The following PDGFD variants were observed in gnomAD, a reference collection of about 807,000 sequenced individuals.
PDGFD encodes the protein platelet derived growth factor D, also known as platelet-derived growth factor D.
A neutral mutation model predicts 44.7 loss-of-function variants in PDGFD; 30 were observed. The observed-to-expected ratio is 0.67, with a 90% CI of 0.50 to 0.91. The LOEUF is 0.91. PDGFD is among the 40% of genes least tolerant of loss of function. PDGFD has a pLI of 0.00. For missense variants in PDGFD, 445 were observed against 457.8 expected, an observed-to-expected ratio of 0.97 and a Z score of 0.25; for synonymous variants, 173 against 168.4, an observed-to-expected ratio of 1.03 and a Z score of -0.21.
intron 1 of PDGFD, among the ~76,000 whole-genome samples, chr11:104,072,638 A>G (rs1428164605): frequency 6.6e-6 from 1 of 151,954 alleles, no homozygotes; most frequent in Non-Finnish European, 1.5e-5. Flanking sequence ...GGCAGTCTTG[A>G]CTTGTTTCTG....
At chr11:104,131,705 T>C (rs1037177395) in intron 1 of PDGFD, among the ~76,000 whole-genome samples, 1 of 151,594 alleles carries the variant, frequency 6.6e-6, no homozygotes, top group Admixed American at 6.6e-5. Flanking sequence ...CCTTGAAGAT[T>C]TGCTGCCACC....
intron 1 of PDGFD, among the ~76,000 whole-genome samples, chr11:104,155,927 C>T (rs115761132): frequency 0.023 from 3,489 of 152,290 alleles, 64 homozygotes; most frequent in African/African-American, 0.05. Context: ...CTGAGCTCTT[C>T]AGTCCAAAGA....
At chr11:104,112,746 T>A (rs376263947) in intron 1 of PDGFD, among the ~76,000 whole-genome samples, 66 of 152,074 alleles carry the variant, frequency 4.3e-4, no homozygotes, top group African/African-American at 1.5e-3. Flanking sequence ...CTGGAGACCA[T>A]TATCCTTAGC....
intron 1 of PDGFD, among the ~76,000 whole-genome samples, chr11:104,090,077 G>C (rs1479094413): frequency 2.6e-5 from 4 of 152,144 alleles, no homozygotes; most frequent in Admixed American, 2.6e-4. Context: ...AGTGATTACA[G>C]TGACCTCTCT....
At position 103,955,020 on chromosome 11, in the gene PDGFD, C is replaced by T. The variant is rs374972936; in HGVS notation, c.511-7296G>A. ...TCTACTAAAAATACAAAAAATTAGC[C>T]GGGCGTAGTGGCGGGCGCCTGTAGT... On this transcript the variant is annotated intron_variant, in intron 3 of 6. Transcript: ENST00000393158. Among the ~76,000 whole-genome samples the T allele has an allele frequency of 6.3e-4, 94 of 150,234 alleles. 1 individual carries two copies. The highest frequency in any genetic ancestry group is 2.2e-3 in the African/African-American group (89 of 41,026).
intron 1 of PDGFD, among the ~76,000 whole-genome samples, chr11:104,006,962 G>A (rs988133479): frequency 5.3e-5 from 8 of 152,186 alleles, no homozygotes; most frequent in Non-Finnish European, 1.2e-4. Flanking sequence ...TAAGCTGTCT[G>A]TGGACAGCAA....
rs144354134 is a variant in PDGFD, at chr11:104,072,599, T to C, written c.125-72344A>G. Among the ~76,000 whole-genome samples the C allele has an allele frequency of 7.9e-3, 1,207 of 152,058 alleles. 23 individuals carry two copies. Among genetic ancestry groups the C allele is most frequent in the Middle Eastern group, 0.01 (3 of 294 alleles). On this transcript the variant is annotated intron_variant, in intron 1 of 6. Coordinates refer to ENST00000393158, the MANE Select transcript of PDGFD (RefSeq NM_025208.5). The stretch of plus-strand genomic sequence containing the variant: ...AAATTACATTAAAGGAAACCTCTAG[T>C]ACAATGTTGAAAGTTAACAGATATA...
chr11:103,945,351 G>A (rs1385486270), intron 4 of PDGFD, among the ~76,000 whole-genome samples: 4 of 152,068 alleles, frequency 2.6e-5, no homozygotes, highest in Non-Finnish European at 1.5e-5. Flanking sequence ...CATCATTTCT[G>A]TCTTTCACAT....
At chr11:103,928,556 C>G (rs552699208) in intron 5 of PDGFD, among the ~76,000 whole-genome samples, 1 of 152,128 alleles carries the variant, frequency 6.6e-6, no homozygotes, top group East Asian at 1.9e-4. Context: ...GTCCACTAAC[C>G]GCATCCCTGT....
chr11:104,154,440 C>T (rs1862280630), intron 1 of PDGFD, among the ~76,000 whole-genome samples: 1 of 152,262 alleles, frequency 6.6e-6, no homozygotes, highest in East Asian at 1.9e-4. Flanking sequence ...AAGAGAAGGG[C>T]TAATCCCTGA....
chr11:104,161,278 T>A (rs1278247300), intron 1 of PDGFD, among the ~76,000 whole-genome samples: 2 of 152,348 alleles, frequency 1.3e-5, no homozygotes, highest in South Asian at 4.1e-4. Context: ...ATATTCCATG[T>A]TCATGTCCTC....
intron 1 of PDGFD, among the ~76,000 whole-genome samples, chr11:104,075,821 C>T (rs545241564): frequency 6.6e-5 from 10 of 152,238 alleles, no homozygotes; most frequent in African/African-American, 2.4e-4. Flanking sequence ...ATGATTTCCC[C>T]AGGCCTTATC....
chr11:104,043,630 A>T (rs1479236627), intron 1 of PDGFD, among the ~76,000 whole-genome samples: 3 of 152,166 alleles, frequency 2.0e-5, no homozygotes, highest in African/African-American at 4.8e-5. Context: ...TATTTGGCTC[A>T]TGGTTCTGCT....
chr11:104,039,983 C>T (rs1860322163), intron 1 of PDGFD, among the ~76,000 whole-genome samples: 1 of 152,090 alleles, frequency 6.6e-6, no homozygotes. Context: ...AGGAACACCC[C>T]TTCTGAGGTA....
intron 1 of PDGFD, among the ~76,000 whole-genome samples, chr11:104,143,311 C>T (rs80201675): frequency 1.2e-4 from 19 of 152,252 alleles, no homozygotes; most frequent in African/African-American, 4.6e-4. Context: ...AATAAAACTG[C>T]TGTCTAATAT....
intron 3 of PDGFD, among the ~76,000 whole-genome samples, chr11:103,971,846 A>G (rs1364023012): frequency 2.0e-5 from 3 of 152,330 alleles, no homozygotes; most frequent in Admixed American, 2.0e-4. Context: ...TTTGTTAATT[A>G]TATCAATTTC....
intron 5 of PDGFD, among the ~76,000 whole-genome samples, chr11:103,931,320 A>T (rs974722593): frequency 6.6e-6 from 1 of 152,186 alleles, no homozygotes; most frequent in Non-Finnish European, 1.5e-5. Flanking sequence ...GAAACAAAAT[A>T]ATCTCCTCAC....
At chr11:104,032,786 T>C (rs1028100759) in intron 1 of PDGFD, among the ~76,000 whole-genome samples, 2 of 152,076 alleles carry the variant, frequency 1.3e-5, no homozygotes, top group Non-Finnish European at 2.9e-5. Flanking sequence ...TCTGGGCATT[T>C]AGGCCATACA....
intron 5 of PDGFD, among the ~76,000 whole-genome samples, chr11:103,938,311 T>C (rs1858525811): frequency 6.6e-6 from 1 of 152,240 alleles, no homozygotes; most frequent in Non-Finnish European, 1.5e-5. Context: ...CCAGTGATGA[T>C]GAGTATTTTT....
Sources: allele counts gnomAD v4.1 joint callset (sites outside exome capture counted in the v4.1 genomes callset), GRCh38; gene constraint gnomAD v4.1.1; transcripts MANE v1.5; gene names NCBI Gene and HGNC (gene_info 2026-07-23, HGNC 2026-07-21).